TENM2: variants seen among roughly 807,000 people sequenced by gnomAD.
The protein encoded by TENM2 is teneurin-2.
Under a neutral mutation model 245.2 loss-of-function variants are expected in TENM2, and 52 were observed. The ratio of observed to expected loss-of-function variants is 0.21; its 90% CI spans 0.17 to 0.27. The LOEUF is 0.27. Among genes scored for constraint, TENM2 ranks in the 10% least tolerant of loss-of-function variants. The pLI is 1.00. For missense variants in TENM2, 3,046 were observed against 3,666.8 expected, an observed-to-expected ratio of 0.83 and a Z score of 4.37; for synonymous variants, 1,363 against 1,438.9, an observed-to-expected ratio of 0.95 and a Z score of 1.19.
chr5:167,397,421 G>A (rs1305536611), intron 2 of TENM2, among the ~76,000 whole-genome samples: 1 of 152,094 alleles, frequency 6.6e-6, no homozygotes, highest in Non-Finnish European at 1.5e-5. Flanking sequence ...ACTAATGAAA[G>A]AAAATGATAG....
chr5:167,981,099 C>T (rs1301845055), intron 4 of TENM2, among the ~76,000 whole-genome samples: 1 of 152,182 alleles, frequency 6.6e-6, no homozygotes, highest in African/African-American at 2.4e-5. Flanking sequence ...TATGAAGGCC[C>T]AGCCTCCTTT....
chr5:167,181,466 TTGTGTGTGTG>T, the TENM2 span, among the ~76,000 whole-genome samples: 2,376 of 122,580 alleles, frequency 0.019, 76 homozygotes, highest in African/African-American at 0.064. Flanking sequence ...AGCCGCTCGT[TTGTGTGTGTG>T]TGTGTGTGTG....
At chr5:168,055,314 C>T (rs1044098919) in intron 6 of TENM2, among the ~76,000 whole-genome samples, 2 of 152,154 alleles carry the variant, frequency 1.3e-5, no homozygotes, top group African/African-American at 4.8e-5. Flanking sequence ...ATGAATGGCC[C>T]ACCCAACATT....
chr5:167,395,708 C>T (rs1762012172), intron 2 of TENM2, among the ~76,000 whole-genome samples: 1 of 152,064 alleles, frequency 6.6e-6, no homozygotes, highest in African/African-American at 2.4e-5. Flanking sequence ...AGTGCAGTGA[C>T]TCTTGAATGA....
intron 5 of TENM2, among the ~76,000 whole-genome samples, chr5:168,023,179 C>A (rs370709919): frequency 6.6e-6 from 1 of 152,182 alleles, no homozygotes; most frequent in African/African-American, 2.4e-5. Flanking sequence ...ATATGAACTT[C>A]GAAACCCTGC....
chr5:168,230,300 G>C (rs1231730396), intron 25 of TENM2, among the ~76,000 whole-genome samples: 3 of 152,200 alleles, frequency 2.0e-5, no homozygotes, highest in Non-Finnish European at 4.4e-5. Context: ...ATCACTATGA[G>C]ATTATAACAG....
the TENM2 span, among the ~76,000 whole-genome samples, chr5:167,122,146 A>G: frequency 6.6e-6 from 1 of 152,178 alleles, no homozygotes; most frequent in African/African-American, 2.4e-5. Flanking sequence ...AAATAAATGC[A>G]CAGTTGAAAT....
Position 168,162,824 on chromosome 5 carries a change from C to T in TENM2, c.2569+67C>T, listed in dbSNP as rs184062454. On this transcript the variant is annotated intron_variant, in intron 13 of 28. Coordinates refer to ENST00000518659, the Ensembl canonical transcript of TENM2. ...CGTTGTCCATGCTTTTGTCATAAGTCATTTTTCTTCGGAAAGACCTCCCCT... is the reference window on the plus strand; with the variant it reads ...CGTTGTCCATGCTTTTGTCATAAGTTATTTTTCTTCGGAAAGACCTCCCCT... The T allele has an allele frequency of 9.7e-4, 1,520 of 1,562,724 alleles. 1 individual carries two copies. Among genetic ancestry groups the T allele is most frequent in the Admixed American group, 1.4e-3 (82 of 57,512 alleles).
chr5:167,814,815 G>A (rs989652798), intron 2 of TENM2, among the ~76,000 whole-genome samples: 8 of 152,066 alleles, frequency 5.3e-5, no homozygotes, highest in African/African-American at 1.4e-4. Context: ...CAGAAAAAAA[G>A]TAAAGGAAAG....
chr5:167,533,943 G>T (rs1183175204), intron 2 of TENM2, among the ~76,000 whole-genome samples: 28 of 152,138 alleles, frequency 1.8e-4, no homozygotes, highest in Non-Finnish European at 1.6e-4. Flanking sequence ...TAGACTTGTG[G>T]TTTGTAGACA....
At chr5:167,421,615 A>T (rs1056936751) in intron 2 of TENM2, among the ~76,000 whole-genome samples, 1 of 152,198 alleles carries the variant, frequency 6.6e-6, no homozygotes, top group Non-Finnish European at 1.5e-5. Context: ...ACTGGATTTA[A>T]GATGGCTCTT....
chr5:167,931,957 AG>A (rs1291832946), intron 3 of TENM2, among the ~76,000 whole-genome samples: 2 of 152,246 alleles, frequency 1.3e-5, no homozygotes, highest in Non-Finnish European at 2.9e-5. Flanking sequence ...TTCTAAAGAT[AG>A]CAGTGTGACA....
At chr5:167,782,182 G>T (rs978039346) in intron 2 of TENM2, among the ~76,000 whole-genome samples, 1 of 151,256 alleles carries the variant, frequency 6.6e-6, no homozygotes, top group Admixed American at 6.6e-5. Context: ...GCATGGTAGC[G>T]CATGCCTGTA....
chr5:167,276,313 G>A, the TENM2 span, among the ~76,000 whole-genome samples: 1 of 149,752 alleles, frequency 6.7e-6, no homozygotes, highest in African/African-American at 2.5e-5. Context: ...TTAAACATTT[G>A]GTAGAATTCA....
chr5:167,346,775 A>ATT (rs578155434), intron 1 of TENM2, among the ~76,000 whole-genome samples: 1 of 146,862 alleles, frequency 6.8e-6, no homozygotes, highest in Non-Finnish European at 1.5e-5. Flanking sequence ...AGCCCCAACT[A>ATT]TTTTTTTTTT....
intron 3 of TENM2, among the ~76,000 whole-genome samples, chr5:167,886,470 A>G (rs756713692): frequency 2.6e-5 from 4 of 152,234 alleles, no homozygotes; most frequent in Admixed American, 6.5e-5. Context: ...TAGAGGAAAA[A>G]GCCAAGACCT....
intron 12 of TENM2, among the ~76,000 whole-genome samples, chr5:168,131,972 A>T (rs1754619373): frequency 6.6e-6 from 1 of 152,180 alleles, no homozygotes; most frequent in Non-Finnish European, 1.5e-5. Flanking sequence ...ACTGATAAAG[A>T]TTATGGATAA....
chr5:167,239,486 C>A, the TENM2 span, among the ~76,000 whole-genome samples: 1 of 152,198 alleles, frequency 6.6e-6, no homozygotes, highest in Non-Finnish European at 1.5e-5. Flanking sequence ...AGCCCATTCA[C>A]CTCAATAGTC....
chr5:168,196,369 A>G (rs1761429984), intron 15 of TENM2, among the ~76,000 whole-genome samples: 1 of 152,204 alleles, frequency 6.6e-6, no homozygotes, highest in African/African-American at 2.4e-5. Context: ...CTGTAGCCAA[A>G]TCTAATTATT....
Sources: gnomAD v4.1 joint callset for allele counts (sites outside exome capture counted in the v4.1 genomes callset) on GRCh38, gnomAD v4.1.1 for gene constraint, MANE v1.5 for transcripts, NCBI Gene and HGNC (gene_info 2026-07-23, HGNC 2026-07-21) for gene names.